NAALADL2: variants seen among roughly 807,000 people sequenced by gnomAD.
The protein encoded by NAALADL2 is N-acetylated alpha-linked acidic dipeptidase like 2.
NAALADL2 carries 76 observed loss-of-function variants against 87.2 expected under a neutral mutation model. That is an observed-to-expected ratio of 0.87 (90% CI 0.72 to 1.05). The LOEUF (loss-of-function observed/expected upper bound fraction) is 1.05, where lower values mean the gene tolerates loss of function less well. Among genes scored for constraint, NAALADL2 ranks in the 50% least tolerant of loss-of-function variants. The pLI is 0.00. For synonymous variants in NAALADL2, 354 were observed against 331.0 expected (o/e 1.07, Z -0.75); for missense variants, 1,089 against 945.8 (o/e 1.15, Z -1.99).
At chr3:175,366,014 TC>T (rs1765512060) in intron 5 of NAALADL2, among the ~76,000 whole-genome samples, 1 of 64,388 alleles carries the variant, frequency 1.6e-5, no homozygotes, top group Non-Finnish European at 3.0e-5. Flanking sequence ...ATGCTAACCC[TC>T]CCCCCTCCCC....
chr3:174,601,816 T>C (rs1718485722), intron 2 of NAALADL2, among the ~76,000 whole-genome samples: 1 of 152,184 alleles, frequency 6.6e-6, no homozygotes, highest in Non-Finnish European at 1.5e-5. Context: ...TTGATTTGAT[T>C]TTTGTATATG....
intron 10 of NAALADL2, among the ~76,000 whole-genome samples, chr3:175,583,717 T>G (rs1720130745): frequency 6.6e-6 from 1 of 152,212 alleles, no homozygotes; most frequent in East Asian, 1.9e-4. Context: ...TACTTCAAAA[T>G]ATTGGCCAAT....
At chr3:174,892,921 C>CAAAAAAAAAA (rs35081771) in intron 1 of NAALADL2, among the ~76,000 whole-genome samples, 5 of 108,542 alleles carry the variant, frequency 4.6e-5, no homozygotes, top group African/African-American at 1.3e-4. Context: ...GACTCCAACT[C>CAAAAAAAAAA]AAAAAAAAAA....
intron 1 of NAALADL2, among the ~76,000 whole-genome samples, chr3:175,022,137 G>A (rs1440444177): frequency 1.3e-5 from 2 of 151,934 alleles, no homozygotes; most frequent in Non-Finnish European, 1.5e-5. Context: ...GCTTCCTGAA[G>A]CCCTCACCAG....
intron 1 of NAALADL2, among the ~76,000 whole-genome samples, chr3:174,445,543 C>T (rs1304712490): frequency 2.0e-5 from 3 of 151,916 alleles, no homozygotes; most frequent in African/African-American, 4.8e-5. Context: ...GTGGTACATT[C>T]AAAGAAATAG....
chr3:175,636,705 A>AG (rs1728609197), intron 11 of NAALADL2, among the ~76,000 whole-genome samples: 1 of 151,012 alleles, frequency 6.6e-6, no homozygotes, highest in Admixed American at 6.6e-5. Context: ...CTAAAAAAAA[A>AG]AAAAAAAAAG....
chr3:174,586,018 T>C (rs1464333315), intron 2 of NAALADL2, among the ~76,000 whole-genome samples: 1 of 152,238 alleles, frequency 6.6e-6, no homozygotes, highest in Non-Finnish European at 1.5e-5. Context: ...GAAAAGTTTC[T>C]AGAATAGTGG....
intron 11 of NAALADL2, among the ~76,000 whole-genome samples, chr3:175,666,547 T>A (rs1733022357): frequency 6.6e-6 from 1 of 152,144 alleles, no homozygotes; most frequent in Non-Finnish European, 1.5e-5. Flanking sequence ...GGCACCAATA[T>A]AACATGAAAA....
rs1459535137 is a variant in NAALADL2, at chr3:175,804,403, A to G, written c.*1200A>G. ...CAGTTCTTCTCTCATGTGGAAAACTAAGCTTTTTATATTGACATTGCCATT... is the reference window on the plus strand; with the variant it reads ...CAGTTCTTCTCTCATGTGGAAAACTGAGCTTTTTATATTGACATTGCCATT... On this transcript the variant is annotated 3_prime_UTR_variant, in exon 14 of 14. Coordinates refer to ENST00000454872, the MANE Select transcript of NAALADL2 (RefSeq NM_207015.3). 6.6e-6 allele frequency: 1 copy of G among 151,832 alleles called. No homozygotes were observed. The highest frequency in any genetic ancestry group is 1.5e-5 in the Non-Finnish European group (1 of 67,846). The allele number at this position is 151,832 out of a possible 1,614,324, so 9.4% of individuals were successfully genotyped here. A position where few individuals can be genotyped will look rare whatever the true frequency, so the allele number is the denominator to read the frequency against.
chr3:174,831,537 A>G (rs1019856663), intron 3 of NAALADL2, among the ~76,000 whole-genome samples: 1 of 147,890 alleles, frequency 6.8e-6, no homozygotes, highest in African/African-American at 2.5e-5. Context: ...TTTTTGCATC[A>G]ATGTTCATCA....
intron 2 of NAALADL2, among the ~76,000 whole-genome samples, chr3:174,710,695 C>T (rs571384259): frequency 2.6e-4 from 40 of 152,258 alleles, no homozygotes; most frequent in Admixed American, 3.9e-4. Flanking sequence ...GCAGCCTCTG[C>T]GAGCTGAGAG....
At chr3:175,606,328 G>A (rs930868515) in intron 10 of NAALADL2, among the ~76,000 whole-genome samples, 22 of 151,552 alleles carry the variant, frequency 1.5e-4, no homozygotes, top group African/African-American at 5.3e-4. Context: ...GATATTTAGA[G>A]GAAAAGGAAG....
At chr3:175,229,643 T>C (rs1278219717) in intron 2 of NAALADL2, among the ~76,000 whole-genome samples, 2 of 151,938 alleles carry the variant, frequency 1.3e-5, no homozygotes, top group Admixed American at 6.6e-5. Context: ...GATAATATAA[T>C]ATAATCACCT....
At chr3:175,767,264 G>C (rs945048863) in intron 13 of NAALADL2, among the ~76,000 whole-genome samples, 7 of 152,080 alleles carry the variant, frequency 4.6e-5, no homozygotes, top group Non-Finnish European at 1.0e-4. Flanking sequence ...GATCAAGTTG[G>C]AAGTTTATAA....
chr3:175,206,317 TACATAC>T, intron 2 of NAALADL2, among the ~76,000 whole-genome samples: 2 of 134,856 alleles, frequency 1.5e-5, no homozygotes, highest in Non-Finnish European at 3.0e-5. Context: ...TATATACACA[TACATAC>T]ACACACACAC....
intron 1 of NAALADL2, among the ~76,000 whole-genome samples, chr3:175,053,642 T>G (rs756878514): frequency 1.3e-5 from 2 of 152,228 alleles, no homozygotes; most frequent in Non-Finnish European, 2.9e-5. Context: ...TTTCCTAACT[T>G]TCTGTTATAC....
intron 2 of NAALADL2, among the ~76,000 whole-genome samples, chr3:174,696,881 T>G (rs1003642541): frequency 6.6e-6 from 1 of 152,082 alleles, no homozygotes; most frequent in Admixed American, 6.6e-5. Context: ...ATTATAAAAA[T>G]AGCCGTTCTT....
intron 2 of NAALADL2, chr3:174,551,394 A>G (rs910118546): frequency 1.3e-5 from 2 of 152,222 alleles, no homozygotes; most frequent in South Asian, 2.1e-4. Context: ...TATTCCTCAC[A>G]TAAGTTATTC....
intron 3 of NAALADL2, among the ~76,000 whole-genome samples, chr3:174,829,751 A>G (rs1334926341): frequency 2.8e-5 from 4 of 142,082 alleles, no homozygotes; most frequent in Non-Finnish European, 4.6e-5. Context: ...AAGTGTTCCT[A>G]TTTCTCCACA....
Sources: gnomAD v4.1 joint callset for allele counts (sites outside exome capture counted in the v4.1 genomes callset) on GRCh38, gnomAD v4.1.1 for gene constraint, MANE v1.5 for transcripts, NCBI Gene and HGNC (gene_info 2026-07-23, HGNC 2026-07-21) for gene names.